Variants in EMCN observed in about 807,000 individuals in gnomAD.
The protein encoded by EMCN is MUC-14.
EMCN carries 37 observed loss-of-function variants against 38.4 expected under a neutral mutation model. That is an observed-to-expected ratio of 0.96 (90% CI 0.74 to 1.27). EMCN has a LOEUF of 1.27. EMCN is among the 50% of genes most tolerant of loss of function. The probability of loss-of-function intolerance (pLI) is 0.00; values close to 1 mark genes in which losing one functional copy is unlikely to be tolerated. For synonymous variants in EMCN, 95 were observed against 100.8 expected, an observed-to-expected ratio of 0.94 and a Z score of 0.35; for missense variants, 318 against 302.8, an observed-to-expected ratio of 1.05 and a Z score of -0.37.
chr4:100,465,466 T>A lies in EMCN; in HGVS notation c.333A>T (p.Thr111=), dbSNP rs768011645. 4.3e-6 allele frequency: 7 copies of A among 1,609,226 alleles called. No individual in the cohort carries two copies. In the East Asian group the frequency reaches 1.6e-4, roughly 36 times the overall value. ...GTAATGTTGAAACAGCATTTGGAAG[T>A]GTAACACTTGTTACTGTTACGTTTG... ...IISNVTVTSV[T]LPNAVSTLQS... Residue 111 remains threonine (T), a synonymous_variant, in exon 4 of 12, where the codon ACA becomes ACT. Transcript: ENST00000296420.
At chr4:100,511,021 T>C (rs1458067925) in intron 1 of EMCN, among the ~76,000 whole-genome samples, 1 of 152,194 alleles carries the variant, frequency 6.6e-6, no homozygotes, top group Non-Finnish European at 1.5e-5. Flanking sequence ...TAAAAATTCA[T>C]TTATGGCATT....
intron 11 of EMCN, among the ~76,000 whole-genome samples, chr4:100,409,691 A>G (rs1473529513): frequency 6.6e-6 from 1 of 152,108 alleles, no homozygotes; most frequent in Non-Finnish European, 1.5e-5. Flanking sequence ...ATCTTGTTTG[A>G]GGTGTTTTTT....
At chr4:100,453,360 AG>A (rs1727904449) in intron 4 of EMCN, among the ~76,000 whole-genome samples, 1 of 152,036 alleles carries the variant, frequency 6.6e-6, no homozygotes, top group Non-Finnish European at 1.5e-5. Context: ...AAGTGGGCAA[AG>A]GATATGAACA....
chr4:100,465,617 C>T, intron 3 of EMCN, 78 bp from the exon 4 acceptor site: 1 of 718,124 alleles, frequency 1.4e-6, no homozygotes, highest in East Asian at 2.8e-5. Context: ...TAATATCCAA[C>T]TAAAACTTGA....
chr4:100,410,964 C>G (rs1294387122), intron 10 of EMCN, among the ~76,000 whole-genome samples: 1 of 152,140 alleles, frequency 6.6e-6, no homozygotes, highest in Non-Finnish European at 1.5e-5. Context: ...GATTCATGAC[C>G]AATATATTTC....
chr4:100,416,107 T>C (rs1726724651), intron 9 of EMCN, 148 bp from the exon 10 acceptor site: 4 of 422,142 alleles, frequency 9.5e-6, no homozygotes, highest in Non-Finnish European at 1.3e-5. Flanking sequence ...TGTGTGTGTA[T>C]ACATACATAT....
intron 1 of EMCN, among the ~76,000 whole-genome samples, chr4:100,485,024 T>C (rs1184519859): frequency 6.6e-6 from 1 of 152,144 alleles, no homozygotes; most frequent in Non-Finnish European, 1.5e-5. Context: ...AACAAAATTT[T>C]GGAAGGAAGG....
At chr4:100,420,726 G>A (rs920102832) in intron 8 of EMCN, among the ~76,000 whole-genome samples, 8 of 152,028 alleles carry the variant, frequency 5.3e-5, no homozygotes, top group African/African-American at 1.9e-4. Context: ...GGGAAACTAG[G>A]TATGGTGACT....
intron 4 of EMCN, among the ~76,000 whole-genome samples, chr4:100,459,299 T>A (rs995137833): frequency 2.9e-5 from 1 of 34,268 alleles, no homozygotes; most frequent in Non-Finnish European, 6.4e-5. Flanking sequence ...TGTGTGTGTG[T>A]ACACCATATA....
At position 100,475,115 on chromosome 4, in the gene EMCN, T is replaced by G. The variant is rs973614961; in HGVS notation, c.188-6A>C. ...TAATTCATTGGTGATTGTTCCTAGT[T>G]TGATAAAATAGATTAAATTATTATT... is the stretch of plus-strand genomic sequence containing the variant. On this transcript the variant is annotated splice_polypyrimidine_tract_variant and splice_region_variant and intron_variant, in intron 2 of 11. Coordinates refer to ENST00000296420, the MANE Select transcript of EMCN (RefSeq NM_016242.4). The G allele has an allele frequency of 7.0e-7, 1 of 1,419,798 alleles. No individual in the cohort carries two copies. The highest frequency in any genetic ancestry group is 2.4e-5 in the East Asian group (1 of 42,504). 88.0% of individuals were successfully genotyped at this position (1,419,798 alleles called of 1,614,324 possible).
intron 5 of EMCN, among the ~76,000 whole-genome samples, chr4:100,444,139 G>A (rs1727599107): frequency 6.6e-6 from 1 of 152,182 alleles, no homozygotes; most frequent in African/African-American, 2.4e-5. Flanking sequence ...ATGTCAGACT[G>A]CAGGGGTGTA....
At chr4:100,402,190 T>C (rs1359483286) in intron 11 of EMCN, among the ~76,000 whole-genome samples, 3 of 152,156 alleles carry the variant, frequency 2.0e-5, no homozygotes, top group Non-Finnish European at 4.4e-5. Flanking sequence ...GGTTTATAGC[T>C]CATAAATGTT....
At chr4:100,416,521 T>TATATA (rs1467832074) in intron 9 of EMCN, among the ~76,000 whole-genome samples, 7 of 152,168 alleles carry the variant, frequency 4.6e-5, no homozygotes, top group Non-Finnish European at 1.0e-4. Flanking sequence ...AGTCTCTAAG[T>TATATA]CATATGAATA....
intron 11 of EMCN, among the ~76,000 whole-genome samples, chr4:100,404,933 C>G (rs1726353310): frequency 6.6e-6 from 1 of 152,004 alleles, no homozygotes; most frequent in Non-Finnish European, 1.5e-5. Context: ...CTTTTGTCTT[C>G]CAGGTTAACT....
In EMCN at chr4:100,465,574, C is replaced by A. The variant is rs369199251; in HGVS notation, c.260-35G>T. 12 of 1,121,512 alleles carry A rather than the reference C, an allele frequency of 1.1e-5. No individual in the cohort carries two copies. The African/African-American group carries it at 1.4e-4, about 13-fold the overall frequency. The allele number at this position is 1,121,512 out of a possible 1,614,324, so 69.5% of individuals were successfully genotyped here. On this transcript the variant is annotated intron_variant, in intron 3 of 11. Coordinates refer to ENST00000296420, the MANE Select transcript of EMCN (RefSeq NM_016242.4). The stretch of plus-strand genomic sequence containing the variant: ...GAATGAACAGTCATCAGGAGTATAA[C>A]AAATCACCAGATCATCTTATTAATA...
intron 3 of EMCN, among the ~76,000 whole-genome samples, chr4:100,469,855 C>T (rs1283246124): frequency 6.6e-6 from 1 of 151,876 alleles, no homozygotes; most frequent in African/African-American, 2.4e-5. Context: ...GTTCTTATTG[C>T]CTAGGATTTC....
chr4:100,439,446 T>C (rs1727448559), intron 5 of EMCN, among the ~76,000 whole-genome samples: 1 of 151,830 alleles, frequency 6.6e-6, no homozygotes, highest in Non-Finnish European at 1.5e-5. Flanking sequence ...TTTTTCGTAG[T>C]AGTCTTAACG....
intron 10 of EMCN, among the ~76,000 whole-genome samples, chr4:100,412,832 G>A (rs1228841099): frequency 1.3e-5 from 2 of 152,128 alleles, no homozygotes; most frequent in East Asian, 3.9e-4. Flanking sequence ...ATATTTAAAG[G>A]AAGAAGGGAG....
chr4:100,507,459 C>T (rs1398248239), intron 1 of EMCN, among the ~76,000 whole-genome samples: 1 of 152,154 alleles, frequency 6.6e-6, no homozygotes, highest in African/African-American at 2.4e-5. Context: ...AGGTAAACAT[C>T]TCTGCTTACC....
Sources: gnomAD v4.1 joint callset for allele counts (sites outside exome capture counted in the v4.1 genomes callset) on GRCh38, gnomAD v4.1.1 for gene constraint, MANE v1.5 for transcripts, NCBI Gene and HGNC (gene_info 2026-07-23, HGNC 2026-07-21) for gene names.